SBK1: variants seen among roughly 807,000 people sequenced by gnomAD.
SBK1 encodes SH3 domain binding kinase 1, also known as serine/threonine-protein kinase SBK1.
SBK1 carries 11 observed loss-of-function variants against 24.4 expected under a neutral mutation model. The observed-to-expected ratio is 0.45, with a 90% confidence interval of 0.28 to 0.75. The LOEUF (loss-of-function observed/expected upper bound fraction) is 0.75. Among genes scored for constraint, SBK1 ranks in the 30% least tolerant of loss-of-function variants. The pLI is 0.12. For synonymous variants in SBK1, 308 were observed against 284.4 expected (o/e 1.08, Z -0.83); for missense variants, 467 against 620.5 (o/e 0.75, Z 2.63).
Position 28,261,308 on chromosome 16 carries a change from C to T in SBK1, c.257+1806C>T, listed in dbSNP as rs77874554. Among the ~76,000 whole-genome samples the T allele has an allele frequency of 3.9e-3, 601 of 152,240 alleles. 2 individuals carry two copies. Among genetic ancestry groups the T allele is most frequent in the African/African-American group, 0.014 (583 of 41,536 alleles). On this transcript the variant is annotated intron_variant, in intron 1 of 3. Transcript: ENST00000671413. ...ACGAATATGACATTGAAAGATAGGG[C>T]ATCAGGCGGGGTGTGGTGGTTCACA...
At chr16:28,260,932 G>T (rs2044393461) in intron 1 of SBK1, among the ~76,000 whole-genome samples, 1 of 152,160 alleles carries the variant, frequency 6.6e-6, no homozygotes, top group South Asian at 2.1e-4. Context: ...GCCTTCCCAG[G>T]GGTGAGAGAG....
chr16:28,319,968 C>A lies in SBK1; in HGVS notation c.430-108C>A, dbSNP rs2044826181. On this transcript the variant is annotated intron_variant, in intron 3 of 3. Coordinates refer to ENST00000341901, the MANE Select transcript of SBK1 (RefSeq NM_001024401.3). This position sits in a 1 kb window ranked among gnomAD's most constrained non-coding sequence, Gnocchi z 4.0. Reference sequence around the variant, plus strand: ...GCGCGGTCGCCCCAGTTACTGGGGACAGGGTGGGAGGCGAAAACCGCCTTG... The same window carrying A: ...GCGCGGTCGCCCCAGTTACTGGGGAAAGGGTGGGAGGCGAAAACCGCCTTG... 2.6e-6 allele frequency: 3 copies of A among 1,137,570 alleles called. No homozygotes were observed. Among genetic ancestry groups the A allele is most frequent in the African/African-American group, 1.6e-5 (1 of 61,228 alleles). 70.5% of individuals were successfully genotyped at this position (1,137,570 alleles called of 1,614,324 possible).
In SBK1 at chr16:28,320,173, A is replaced by C. The variant is rs772983473; in HGVS notation, c.527A>C (p.Lys176Thr). The change falls in exon 4 of 4, where the codon AAG (lysine) becomes ACG (threonine). Residue 176 changes from lysine (K) to threonine (T), a missense_variant. Lys to Thr is a moderately conservative substitution (Grantham distance 78). Around this residue, in one of 4 missense-constraint regions of SBK1, gnomAD observed 92 missense variants for 193.8 expected, o/e 0.47. Coordinates refer to ENST00000341901, the MANE Select transcript of SBK1 (RefSeq NM_001024401.3). The surrounding 1 kb of genome is among the most constrained non-coding windows in gnomAD (Gnocchi z 8.5). ...HGRQLVHRDI[K>T]PENVLLFDRE... is the part of the protein sequence containing the mutation. ...CGGCAGCTGGTGCACCGCGACATCA[A>C]GCCCGAGAACGTGCTGCTGTTCGAC... 1 of 1,590,986 alleles carries C rather than the reference A, an allele frequency of 6.3e-7. No individual in the cohort carries two copies. The highest frequency in any genetic ancestry group is 8.5e-7 in the Non-Finnish European group (1 of 1,174,304).
At chr16:28,285,193 TC>T (rs2044558015) in intron 1 of SBK1, 1 of 152,142 alleles carries the variant, frequency 6.6e-6, no homozygotes, top group African/African-American at 2.4e-5. Flanking sequence ...CCCTCCTCAG[TC>T]TCCCAAAGTG....
chr16:28,282,800 G>A (rs1197231326), intron 1 of SBK1, among the ~76,000 whole-genome samples: 2 of 135,668 alleles, frequency 1.5e-5, no homozygotes, highest in African/African-American at 5.8e-5. Context: ...CCAAACCCCT[G>A]CTTGGGGTAG....
chr16:28,280,145 ATATATG>A (rs1170655316), intron 1 of SBK1, among the ~76,000 whole-genome samples: 9 of 55,292 alleles, frequency 1.6e-4, no homozygotes, highest in African/African-American at 4.7e-4. Flanking sequence ...ATATATATAT[ATATATG>A]TGTGTGTGTG....
chr16:28,289,979 A>C (rs11866265), upstream of SBK1, among the ~76,000 whole-genome samples: 15,014 of 150,858 alleles, frequency 0.1, 1,325 homozygotes, highest in African/African-American at 0.24. Context: ...CTAGTTACTT[A>C]GGGGGCTGAG....
intron 1 of SBK1, among the ~76,000 whole-genome samples, chr16:28,310,092 C>T (rs2044744123): frequency 6.6e-6 from 1 of 152,206 alleles, no homozygotes; most frequent in South Asian, 2.1e-4. Flanking sequence ...GTGGCAGAGC[C>T]GTGACTACTG....
chr16:28,317,228 C>T lies in SBK1; in HGVS notation c.-7-157C>T, dbSNP rs374702683. 1.7e-4 allele frequency among the ~76,000 whole-genome samples: 26 copies of T among 152,184 alleles called. No homozygotes were observed. The highest frequency in any genetic ancestry group is 6.3e-4 in the African/African-American group (26 of 41,536). On this transcript the variant is annotated intron_variant, in intron 1 of 3. Transcript: ENST00000341901. This position sits in a 1 kb window ranked among gnomAD's most constrained non-coding sequence, Gnocchi z 4.2. Reference sequence around the variant, plus strand: ...CTGGCCCCTGAGGCTTTGGGGAAGGCGACGCGACCAAGATGCTTGTCGCCC... The same window carrying T: ...CTGGCCCCTGAGGCTTTGGGGAAGGTGACGCGACCAAGATGCTTGTCGCCC...
At chr16:28,307,196 G>A (rs1198554142) in intron 1 of SBK1, among the ~76,000 whole-genome samples, 2 of 152,140 alleles carry the variant, frequency 1.3e-5, no homozygotes, top group Non-Finnish European at 2.9e-5. Context: ...CGACACTCAG[G>A]GAACCCCTGT....
chr16:28,270,054 T>C (rs1200661637), intron 1 of SBK1, among the ~76,000 whole-genome samples: 2 of 152,078 alleles, frequency 1.3e-5, no homozygotes, highest in African/African-American at 2.4e-5. Flanking sequence ...CAATGAACTA[T>C]GTTTTTTCCA....
chr16:28,312,973 A>G (rs939031514), intron 1 of SBK1, among the ~76,000 whole-genome samples: 2 of 152,208 alleles, frequency 1.3e-5, no homozygotes, highest in African/African-American at 4.8e-5. Context: ...GTCTCTACTA[A>G]AAATACAAAA....
chr16:28,303,792 A>C (rs780910646), intron 1 of SBK1, among the ~76,000 whole-genome samples: 2 of 152,098 alleles, frequency 1.3e-5, no homozygotes, highest in African/African-American at 4.8e-5. Context: ...TGCTGGGATT[A>C]TAGGCATGAG....
At chr16:28,282,527 C>T (rs1192884486) in intron 1 of SBK1, among the ~76,000 whole-genome samples, 1 of 152,188 alleles carries the variant, frequency 6.6e-6, no homozygotes, top group African/African-American at 2.4e-5. Context: ...AGTGCAGTGT[C>T]TCCCTCACTA....
intron 1 of SBK1, among the ~76,000 whole-genome samples, chr16:28,280,602 C>G (rs919652563): frequency 1.3e-5 from 2 of 151,944 alleles, no homozygotes; most frequent in Non-Finnish European, 2.9e-5. Context: ...ACTTCAGTCC[C>G]AGGTGTGGAT....
intron 1 of SBK1, among the ~76,000 whole-genome samples, chr16:28,261,109 T>C (rs1216405001): frequency 6.6e-6 from 1 of 151,672 alleles, no homozygotes; most frequent in Admixed American, 6.6e-5. Context: ...GAGCAAGCAA[T>C]GGGGAAGACT....
intron 1 of SBK1, among the ~76,000 whole-genome samples, chr16:28,307,257 C>T (rs1159447004): frequency 2.6e-5 from 4 of 152,192 alleles, no homozygotes; most frequent in Non-Finnish European, 5.9e-5. Flanking sequence ...CCACAATGTC[C>T]TATGACACAG....
At chr16:28,316,374 G>A (rs1440093448) in intron 1 of SBK1, among the ~76,000 whole-genome samples, 1 of 152,162 alleles carries the variant, frequency 6.6e-6, no homozygotes, top group Non-Finnish European at 1.5e-5. Context: ...TCCCCCTGGG[G>A]TGTAAGCCCC....
chr16:28,322,971 TCTCTC>T lies in SBK1; in HGVS notation c.*2051_*2055del, dbSNP rs2044868714. 1 of 131,622 alleles carries T rather than the reference TCTCTC, an allele frequency of 7.6e-6. No individual in the cohort carries two copies. The highest frequency in any genetic ancestry group is 7.9e-5 in the Admixed American group (1 of 12,654). 8.2% of individuals were successfully genotyped at this position (131,622 alleles called of 1,614,324 possible). ...CTCTCTCTCTCTCTCTCTCTCTCTC[TCTCTC>T]TCTCCTCTCTTTCTCTCTCTCCCTC... On this transcript the variant is annotated 3_prime_UTR_variant, in exon 4 of 4. Transcript: ENST00000341901.
Sources: gnomAD v4.1 joint callset for allele counts (sites outside exome capture counted in the v4.1 genomes callset) on GRCh38, gnomAD v4.1.1 for gene constraint, gnomAD v4.1.1 regional missense constraint, Gnocchi (gnomAD v3.1) non-coding constraint, MANE v1.5 for transcripts, NCBI Gene and HGNC (gene_info 2026-07-23, HGNC 2026-07-21) for gene names.